GRIK4: variants seen among roughly 807,000 people sequenced by gnomAD.
GRIK4 encodes glutamate ionotropic receptor kainate type subunit 4.
In GRIK4, 40 loss-of-function variants were observed where a neutral mutation model predicts 104.9. The ratio of observed to expected loss-of-function variants is 0.38; its 90% CI spans 0.30 to 0.50. GRIK4 has a LOEUF of 0.50. Ranked by LOEUF, GRIK4 falls within the 20% of genes least tolerant of loss-of-function variation. GRIK4 has a pLI of 0.93. For synonymous variants in GRIK4, 485 were observed against 524.9 expected (o/e 0.92, Z 1.04); for missense variants, 1,047 against 1,308.1 (o/e 0.80, Z 3.08).
chr11:120,925,824 A>T (rs1591291630), intron 13 of GRIK4, among the ~76,000 whole-genome samples: 2 of 152,060 alleles, frequency 1.3e-5, no homozygotes, highest in East Asian at 3.9e-4. Flanking sequence ...TACAAAAAAA[A>T]TTAGCCAGGT....
At chr11:120,603,025 G>C (rs75135514) in intron 1 of GRIK4, among the ~76,000 whole-genome samples, 2 of 152,192 alleles carry the variant, frequency 1.3e-5, no homozygotes, top group East Asian at 3.8e-4. Flanking sequence ...ATATTAGAGT[G>C]CTAGATCTGA....
chr11:120,656,982 C>G (rs550497763), intron 2 of GRIK4, among the ~76,000 whole-genome samples: 1 of 152,192 alleles, frequency 6.6e-6, no homozygotes, highest in Non-Finnish European at 1.5e-5. Flanking sequence ...TAATCTGACA[C>G]CTATTTAGCA....
chr11:120,711,677 C>T (rs1950736520), intron 3 of GRIK4, among the ~76,000 whole-genome samples: 2 of 152,146 alleles, frequency 1.3e-5, no homozygotes, highest in African/African-American at 4.8e-5. Context: ...TTAATGTTTT[C>T]CAGAAAAGAA....
At chr11:120,638,470 T>C (rs1949427380) in intron 1 of GRIK4, among the ~76,000 whole-genome samples, 1 of 119,976 alleles carries the variant, frequency 8.3e-6, no homozygotes, top group Non-Finnish European at 1.5e-5. Context: ...CTCAATGATT[T>C]CTTCTTCTTT....
chr11:120,686,110 A>G (rs1950272773), intron 3 of GRIK4, among the ~76,000 whole-genome samples: 1 of 152,174 alleles, frequency 6.6e-6, no homozygotes, highest in African/African-American at 2.4e-5. Context: ...CAAATGGGAT[A>G]ATGTATGTAA....
At chr11:120,697,213 G>A (rs772625365) in intron 3 of GRIK4, among the ~76,000 whole-genome samples, 10 of 152,194 alleles carry the variant, frequency 6.6e-5, no homozygotes, top group African/African-American at 2.4e-4. Flanking sequence ...AGAGCCTTTG[G>A]TTGGCTGTGC....
intron 3 of GRIK4, among the ~76,000 whole-genome samples, chr11:120,735,338 G>A (rs1591846921): frequency 6.6e-6 from 1 of 152,208 alleles, no homozygotes; most frequent in African/African-American, 2.4e-5. Flanking sequence ...GAATTATCTG[G>A]ATTACTAGGC....
chr11:120,751,733 C>CA (rs1360442417), intron 3 of GRIK4, among the ~76,000 whole-genome samples: 1 of 152,244 alleles, frequency 6.6e-6, no homozygotes, highest in East Asian at 1.9e-4. Context: ...TTGACGTCAG[C>CA]AGCATCTTCG....
chr11:120,797,010 CAG>C (rs1318048504), intron 3 of GRIK4, among the ~76,000 whole-genome samples: 1 of 152,122 alleles, frequency 6.6e-6, no homozygotes, highest in African/African-American at 2.4e-5. Context: ...CCATAGAACT[CAG>C]AACTGGGCAC....
chr11:120,714,640 G>A (rs1367987282), intron 3 of GRIK4, among the ~76,000 whole-genome samples: 1 of 152,236 alleles, frequency 6.6e-6, no homozygotes, highest in East Asian at 1.9e-4. Context: ...TGGTCTGGGA[G>A]TTAAGGATGG....
At chr11:120,810,187 T>C (rs1165792377) in intron 4 of GRIK4, among the ~76,000 whole-genome samples, 3 of 152,250 alleles carry the variant, frequency 2.0e-5, no homozygotes, top group Non-Finnish European at 4.4e-5. Flanking sequence ...ACATTGTAAA[T>C]AGCTTTACAT....
intron 19 of GRIK4, among the ~76,000 whole-genome samples, chr11:120,979,363 A>G (rs1307164544): frequency 6.6e-6 from 1 of 152,220 alleles, no homozygotes; most frequent in Non-Finnish European, 1.5e-5. Context: ...AAGCACAGCC[A>G]GTTGTAAGTT....
At chr11:120,680,674 G>GA (rs1950177976) in intron 3 of GRIK4, among the ~76,000 whole-genome samples, 1 of 152,206 alleles carries the variant, frequency 6.6e-6, no homozygotes. Context: ...TCACTGGCTT[G>GA]AAAATGGGGA....
intron 3 of GRIK4, among the ~76,000 whole-genome samples, chr11:120,680,437 G>T (rs1260424608): frequency 6.6e-6 from 1 of 152,192 alleles, no homozygotes; most frequent in African/African-American, 2.4e-5. Context: ...TGGGGCTCCA[G>T]TGCCACCATA....
intron 13 of GRIK4, among the ~76,000 whole-genome samples, chr11:120,929,768 G>C (rs1943440464): frequency 6.6e-6 from 1 of 152,156 alleles, no homozygotes; most frequent in Non-Finnish European, 1.5e-5. Context: ...ACCGTCCAAG[G>C]TGTTAGAGGG....
In GRIK4 at chr11:120,873,801, G is replaced by A. The variant is rs1272200564; in HGVS notation, c.907-265G>A. Reference sequence around the variant, plus strand: ...GAGAAAAGGGTACACTTGAAGTCATGTGGGGCCCAAAGGGCCAGCACAAGG... The same window carrying A: ...GAGAAAAGGGTACACTTGAAGTCATATGGGGCCCAAAGGGCCAGCACAAGG... On this transcript the variant is annotated intron_variant, in intron 9 of 20. Transcript: ENST00000527524. 3.0e-5 allele frequency: 11 copies of A among 361,116 alleles called. No homozygotes were observed. The East Asian group carries it at 4.5e-4, about 15-fold the overall frequency. 22.4% of individuals were successfully genotyped at this position (361,116 alleles called of 1,614,324 possible).
At chr11:120,587,061 G>C (rs971146308) in intron 1 of GRIK4, among the ~76,000 whole-genome samples, 3 of 152,130 alleles carry the variant, frequency 2.0e-5, no homozygotes, top group Non-Finnish European at 2.9e-5. Flanking sequence ...CAATCGAGGC[G>C]ATTTGTCTTT....
chr11:120,891,251 G>T (rs1421166088), intron 11 of GRIK4, among the ~76,000 whole-genome samples: 1 of 152,184 alleles, frequency 6.6e-6, no homozygotes, highest in Non-Finnish European at 1.5e-5. Flanking sequence ...CTGCAGCCTG[G>T]AAGGAATCTG....
intron 3 of GRIK4, among the ~76,000 whole-genome samples, chr11:120,729,202 G>A (rs1951086421): frequency 6.6e-6 from 1 of 152,188 alleles, no homozygotes; most frequent in African/African-American, 2.4e-5. Context: ...TGGCTATTGT[G>A]AATAGAGTTG....
Sources: allele counts gnomAD v4.1 joint callset (sites outside exome capture counted in the v4.1 genomes callset), GRCh38; gene constraint gnomAD v4.1.1; transcripts MANE v1.5; gene names NCBI Gene and HGNC (gene_info 2026-07-23, HGNC 2026-07-21).